The following SHROOM3 variants were observed in gnomAD, a reference collection of about 807,000 sequenced individuals.
SHROOM3 encodes shroom family member 3, also known as protein Shroom3.
A neutral mutation model predicts 138.6 loss-of-function variants in SHROOM3; 47 were observed. The observed-to-expected ratio is 0.34, with a 90% confidence interval of 0.27 to 0.43. The LOEUF is 0.43. Ranked by LOEUF, SHROOM3 falls within the 20% of genes least tolerant of loss-of-function variation. The pLI, the probability that SHROOM3 is intolerant of heterozygous loss-of-function variation, is 1.00. For synonymous variants in SHROOM3, 1,062 were observed against 1,063.3 expected (o/e 1.00, Z 0.02); for missense variants, 2,491 against 2,596.5 (o/e 0.96, Z 0.88).
intron 1 of SHROOM3, among the ~76,000 whole-genome samples, chr4:76,485,280 T>C (rs965957912): frequency 6.6e-6 from 1 of 152,174 alleles, no homozygotes; most frequent in Non-Finnish European, 1.5e-5. Context: ...TTGGCTAAAG[T>C]TGATAAGAAG....
chr4:76,443,685 C>T (rs1579157188), intron 1 of SHROOM3, among the ~76,000 whole-genome samples: 2 of 152,318 alleles, frequency 1.3e-5, no homozygotes. Flanking sequence ...TTCTCCCCCT[C>T]TTCTAATGAC....
chr4:76,679,787 T>C (rs1343863653), intron 2 of SHROOM3, among the ~76,000 whole-genome samples: 3 of 152,078 alleles, frequency 2.0e-5, no homozygotes. Context: ...CCAGGCACAT[T>C]CTCCTCGGTG....
At chr4:76,489,070 C>G (rs2109992334) in intron 1 of SHROOM3, among the ~76,000 whole-genome samples, 1 of 152,314 alleles carries the variant, frequency 6.6e-6, no homozygotes, top group East Asian at 1.9e-4. Flanking sequence ...GGGCAGGGCC[C>G]AGGTCCCTGC....
chr4:76,516,690 T>C (rs2110008035), intron 1 of SHROOM3, among the ~76,000 whole-genome samples: 1 of 152,210 alleles, frequency 6.6e-6, no homozygotes, highest in African/African-American at 2.4e-5. Context: ...ACCAGGGCAG[T>C]CCCTGAGGAC....
rs1262426884 is a variant in SHROOM3, at chr4:76,436,093, C to T, written c.41C>T (p.Thr14Ile). 1 of 1,613,902 alleles carries T rather than the reference C, an allele frequency of 6.2e-7. No homozygotes were observed. Among genetic ancestry groups the T allele is most frequent in the East Asian group, 2.2e-5 (1 of 44,882 alleles). ...TTEDFHKPSA[T>I]LNSNTATKGR... is the part of the protein sequence containing the mutation. ...GAAGACTTCCACAAGCCTAGTGCCA[C>T]ATTAAACTCTAACACGGCCACCAAG... is the stretch of plus-strand genomic sequence containing the variant. The change falls in exon 1 of 11, where the codon ACA becomes ATA. Residue 14 changes from threonine to isoleucine, a missense_variant. Coordinates refer to ENST00000296043, the MANE Select transcript of SHROOM3 (RefSeq NM_020859.4).
chr4:76,542,898 T>G (rs998850090), intron 1 of SHROOM3, among the ~76,000 whole-genome samples: 3 of 152,174 alleles, frequency 2.0e-5, no homozygotes, highest in Non-Finnish European at 4.4e-5. Context: ...GTGCAGGCCT[T>G]GGTAGAAAGG....
At position 76,740,687 on chromosome 4, in the gene SHROOM3, T is replaced by G; in HGVS notation, c.2514T>G (p.Ala838=). Residue 838 remains alanine, a synonymous_variant, in exon 5 of 11, where the codon GCT becomes GCG. Transcript: ENST00000296043. This position sits in a 1 kb window ranked among gnomAD's most constrained non-coding sequence, Gnocchi z 4.0. ...CACACATTCGTTTCTCTGAGTCAGC[T>G]GAACCCCTAGGCAACGGGGAGCAGC... The part of the protein sequence containing the change: ...TKAHIRFSES[A]EPLGNGEQHF... 1.2e-6 allele frequency: 2 copies of G among 1,614,038 alleles called. No individual in the cohort carries two copies. The highest frequency in any genetic ancestry group is 1.7e-6 in the Non-Finnish European group (2 of 1,180,024).
At chr4:76,445,690 G>T (rs574270796) in intron 1 of SHROOM3, among the ~76,000 whole-genome samples, 1 of 152,262 alleles carries the variant, frequency 6.6e-6, no homozygotes, top group African/African-American at 2.4e-5. Flanking sequence ...AAAGGACCTT[G>T]GACTGGATCT....
chr4:76,722,458 A>G (rs1011708387), intron 3 of SHROOM3, among the ~76,000 whole-genome samples: 2 of 152,158 alleles, frequency 1.3e-5, no homozygotes, highest in African/African-American at 4.8e-5. Flanking sequence ...AAATGATGAG[A>G]ACACATGGAC....
intron 1 of SHROOM3, among the ~76,000 whole-genome samples, chr4:76,493,568 TA>T (rs1479661040): frequency 1.3e-5 from 2 of 152,166 alleles, no homozygotes; most frequent in Admixed American, 1.3e-4. Flanking sequence ...GTGAAGGGAC[TA>T]AGATACATAT....
chr4:76,732,943 A>G (rs1215671522), intron 4 of SHROOM3, among the ~76,000 whole-genome samples: 1 of 152,208 alleles, frequency 6.6e-6, no homozygotes, highest in Non-Finnish European at 1.5e-5. Context: ...ATGATGACTG[A>G]TTATAATAAT....
chr4:76,710,310 C>T (rs1720193884), intron 3 of SHROOM3, 23 bp downstream of exon 3: 1 of 1,613,350 alleles, frequency 6.2e-7, no homozygotes. Flanking sequence ...GAAGTTGGTG[C>T]TGGCAGTTCG....
intron 1 of SHROOM3, among the ~76,000 whole-genome samples, chr4:76,527,584 G>A (rs1015044745): frequency 2.0e-5 from 3 of 152,160 alleles, no homozygotes; most frequent in African/African-American, 7.2e-5. Context: ...GCTTTTTGTT[G>A]CATGTAACAG....
intron 2 of SHROOM3, among the ~76,000 whole-genome samples, chr4:76,633,931 TTGG>T: frequency 6.6e-6 from 1 of 152,074 alleles, no homozygotes; most frequent in Non-Finnish European, 1.5e-5. Flanking sequence ...CAAATCAGTA[TTGG>T]TATAGAATGA....
In SHROOM3 at chr4:76,537,104, C is replaced by T. The variant is rs57406668; in HGVS notation, c.169-18505C>T. 5.2e-3 allele frequency among the ~76,000 whole-genome samples: 792 copies of T among 152,168 alleles called. 4 individuals are homozygous for T. Among genetic ancestry groups the T allele is most frequent in the African/African-American group, 0.018 (756 of 41,510 alleles). ...CTCCAGCCTGGGTGACAGAGCGAGA[C>T]TCCATCTCAAAAATAATAATAATAA... On this transcript the variant is annotated intron_variant, in intron 1 of 10. Coordinates refer to ENST00000296043, the MANE Select transcript of SHROOM3 (RefSeq NM_020859.4).
intron 1 of SHROOM3, among the ~76,000 whole-genome samples, chr4:76,439,222 T>C (rs1366163199): frequency 6.6e-6 from 1 of 152,186 alleles, no homozygotes; most frequent in African/African-American, 2.4e-5. Flanking sequence ...AACAGCAGGT[T>C]GAGTCCTTCT....
At chr4:76,751,270 G>C (rs1282481083) in intron 6 of SHROOM3, among the ~76,000 whole-genome samples, 1 of 152,150 alleles carries the variant, frequency 6.6e-6, no homozygotes, top group Non-Finnish European at 1.5e-5. Flanking sequence ...AAATAATTTG[G>C]AAGGTGGAAT....
At chr4:76,635,278 G>A (rs1735458204) in intron 2 of SHROOM3, among the ~76,000 whole-genome samples, 1 of 152,140 alleles carries the variant, frequency 6.6e-6, no homozygotes, top group African/African-American at 2.4e-5. Flanking sequence ...GCTAACTCAA[G>A]GGTCACTCAC....
rs749746838 is a variant in SHROOM3, at chr4:76,555,752, G to A, written c.312G>A (p.Leu104=). ...LVKGSYKTLR[L]VVRRDVCTDP... is the part of the protein sequence containing the mutation. ...AAGGATCCTACAAGACCCTCAGGCT[G>A]GTAGTGCGCAGGTAGGTGGCAGACC... Residue 104 remains leucine, a synonymous_variant, in exon 2 of 11, where the codon CTG becomes CTA. Coordinates refer to ENST00000296043, the MANE Select transcript of SHROOM3 (RefSeq NM_020859.4). The A allele has an allele frequency of 1.1e-5, 17 of 1,612,964 alleles. No homozygotes were observed. Among genetic ancestry groups the A allele is most frequent in the Admixed American group, 3.3e-5 (2 of 59,994 alleles).
Sources: allele counts gnomAD v4.1 joint callset (sites outside exome capture counted in the v4.1 genomes callset), GRCh38; gene constraint gnomAD v4.1.1; non-coding constraint Gnocchi (gnomAD v3.1); transcripts MANE v1.5; gene names NCBI Gene and HGNC (gene_info 2026-07-23, HGNC 2026-07-21).